The following GYPC variants were observed in gnomAD, a reference collection of about 807,000 sequenced individuals.
GYPC encodes glycophorin-C.
GYPC carries 14 observed loss-of-function variants against 12.6 expected under a neutral mutation model. The ratio of observed to expected loss-of-function variants is 1.11; its 90% CI spans 0.74 to 1.74. The LOEUF (loss-of-function observed/expected upper bound fraction) is 1.74, where lower values mean the gene tolerates loss of function less well. Ranked by LOEUF, GYPC falls within the 40% of genes most tolerant of loss-of-function variation. The probability of loss-of-function intolerance (pLI) is 0.00; values close to 1 mark genes in which losing one functional copy is unlikely to be tolerated. For missense variants in GYPC, 225 were observed against 172.1 expected (o/e 1.31, Z -1.72); for synonymous variants, 78 against 62.1 (o/e 1.26, Z -1.20).
Position 126,693,878 on chromosome 2 carries a change from A to G in GYPC, c.121A>G (p.Met41Val). Residue 41 changes from methionine (M) to valine (V), a missense_variant, in exon 3 of 4, where the codon ATG becomes GTG. By Grantham distance (21) the Met-to-Val change is conservative. Coordinates refer to ENST00000259254, the MANE Select transcript of GYPC (RefSeq NM_002101.5). ...TCTGTTCACAGAGCCTGATCCAGGG[A>G]TGTCTGGATGGCCGGATGGCAGAAT... Reference protein sequence around the residue: ...TTTIAEPDPGMSGWPDGRMET... With the variant: ...TTTIAEPDPGVSGWPDGRMET... 6.2e-7 allele frequency: 1 copy of G among 1,610,118 alleles called. No individual in the cohort carries two copies. The highest frequency in any genetic ancestry group is 8.5e-7 in the Non-Finnish European group (1 of 1,176,350).
At chr2:126,674,977 A>G (rs1485501039) in intron 1 of GYPC, among the ~76,000 whole-genome samples, 1 of 152,224 alleles carries the variant, frequency 6.6e-6, no homozygotes, top group Non-Finnish European at 1.5e-5. Context: ...GTCAGATTTC[A>G]CTGGCTTCCT....
At chr2:126,668,327 C>A (rs1160428694) in intron 1 of GYPC, among the ~76,000 whole-genome samples, 3 of 152,146 alleles carry the variant, frequency 2.0e-5, no homozygotes, top group Non-Finnish European at 4.4e-5. Flanking sequence ...ACCCCCAGGG[C>A]CCCTTGTGAT....
chr2:126,694,970 T>A (rs1426255928), intron 3 of GYPC, among the ~76,000 whole-genome samples: 2 of 151,854 alleles, frequency 1.3e-5, no homozygotes, highest in East Asian at 3.9e-4. Context: ...AAGTGAGGGG[T>A]GACCGCCCCT....
chr2:126,689,705 C>T (rs1393438197), intron 1 of GYPC, among the ~76,000 whole-genome samples: 1 of 152,162 alleles, frequency 6.6e-6, no homozygotes, highest in Non-Finnish European at 1.5e-5. Flanking sequence ...GTCAGATCCC[C>T]TTCTGCTTTT....
At chr2:126,656,425 C>A in intron 1 of GYPC, 113 bp downstream of exon 1, 2 of 910,518 alleles carry the variant, frequency 2.2e-6, no homozygotes, top group Non-Finnish European at 3.3e-6. Context: ...CCGTGCCGGG[C>A]CTCCAGGCGG....
At chr2:126,656,382 G>T in intron 1 of GYPC, 70 bp downstream of exon 1, 4 of 1,364,786 alleles carry the variant, frequency 2.9e-6, no homozygotes, top group Non-Finnish European at 4.1e-6. Flanking sequence ...GCCAGGGGCC[G>T]AGCCACGGCC....
chr2:126,675,943 A>G (rs1465287674), intron 1 of GYPC, among the ~76,000 whole-genome samples: 2 of 152,268 alleles, frequency 1.3e-5, no homozygotes, highest in African/African-American at 4.8e-5. Flanking sequence ...GTTATGTTAA[A>G]TGTGTAAAGA....
At chr2:126,685,981 T>C (rs1683278387) in intron 1 of GYPC, 5 of 985,310 alleles carry the variant, frequency 5.1e-6, no homozygotes, top group South Asian at 4.7e-5. Flanking sequence ...TGTGCCTGAA[T>C]TCTTCCTTCT....
At chr2:126,681,434 A>G (rs535928776) in intron 1 of GYPC, among the ~76,000 whole-genome samples, 4 of 152,212 alleles carry the variant, frequency 2.6e-5, no homozygotes, top group African/African-American at 4.8e-5. Context: ...CTGCATTACC[A>G]TCTACTTTCC....
At chr2:126,692,326 G>C (rs1356649418) in intron 2 of GYPC, among the ~76,000 whole-genome samples, 1 of 152,080 alleles carries the variant, frequency 6.6e-6, no homozygotes, top group Non-Finnish European at 1.5e-5. Context: ...TGGCCCATCT[G>C]TGTCCTGCTG....
intron 1 of GYPC, among the ~76,000 whole-genome samples, chr2:126,673,679 A>G (rs1682914868): frequency 1.3e-5 from 2 of 151,932 alleles, no homozygotes. Context: ...GACCGTGCCA[A>G]CTCCTCTTCT....
intron 1 of GYPC, among the ~76,000 whole-genome samples, chr2:126,660,284 G>A (rs1451857762): frequency 6.6e-6 from 1 of 152,210 alleles, no homozygotes; most frequent in Admixed American, 6.5e-5. Flanking sequence ...GCTTTCTGTG[G>A]TCAGGCCTGG....
chr2:126,690,311 G>C lies in GYPC; in HGVS notation c.106G>C (p.Glu36Gln). Reference sequence around the variant, plus strand: ...CACAATGCATACTACCACCATTGCAGGTGAGTTCTCATCACAGAGCCTCAC... The same window carrying C: ...CACAATGCATACTACCACCATTGCACGTGAGTTCTCATCACAGAGCCTCAC... ...STTMHTTTIA[E>Q]PDPGMSGWPD... The change falls in exon 2 of 4, where the codon GAG (glutamate) becomes CAG (glutamine). Residue 36 changes from glutamate (E) to glutamine (Q), a missense_variant and splice_region_variant. Physicochemically the swap from Glu to Gln is conservative, Grantham distance 29 (BLOSUM62 2). Coordinates refer to ENST00000259254, the MANE Select transcript of GYPC (RefSeq NM_002101.5). The C allele has an allele frequency of 1.2e-6, 2 of 1,607,314 alleles. No individual in the cohort carries two copies. Among genetic ancestry groups the C allele is most frequent in the Non-Finnish European group, 1.7e-6 (2 of 1,173,792 alleles).
At chr2:126,660,666 G>T (rs1682510015) in intron 1 of GYPC, among the ~76,000 whole-genome samples, 1 of 152,164 alleles carries the variant, frequency 6.6e-6, no homozygotes, top group African/African-American at 2.4e-5. Context: ...GTGGATGATT[G>T]CAGGGATGAC....
At chr2:126,659,335 C>T (rs1305799393) in intron 1 of GYPC, among the ~76,000 whole-genome samples, 2 of 152,172 alleles carry the variant, frequency 1.3e-5, no homozygotes, top group African/African-American at 2.4e-5. Context: ...AGTGAAAGGA[C>T]ATGTCCTCAT....
At chr2:126,668,754 G>A (rs908440617) in intron 1 of GYPC, among the ~76,000 whole-genome samples, 15 of 152,204 alleles carry the variant, frequency 9.9e-5, no homozygotes, top group African/African-American at 2.9e-4. Flanking sequence ...AACACTTGGC[G>A]TTATGGTGGT....
intron 1 of GYPC, among the ~76,000 whole-genome samples, chr2:126,673,653 G>C (rs1406934799): frequency 2.0e-5 from 3 of 152,236 alleles, no homozygotes; most frequent in Non-Finnish European, 4.4e-5. Context: ...GTCCCCCACA[G>C]ATTCCTGGGC....
intron 1 of GYPC, among the ~76,000 whole-genome samples, chr2:126,668,348 C>A (rs575089482): frequency 1.7e-4 from 26 of 152,302 alleles, no homozygotes; most frequent in Non-Finnish European, 3.5e-4. Flanking sequence ...GGCTCACTCC[C>A]GAGACAAGTT....
chr2:126,693,190 G>A (rs990678642), intron 2 of GYPC, among the ~76,000 whole-genome samples: 2 of 152,354 alleles, frequency 1.3e-5, no homozygotes, highest in African/African-American at 4.8e-5. Context: ...AGGGAGGGAG[G>A]GAGTTCTAGC....
Sources: allele counts gnomAD v4.1 joint callset (sites outside exome capture counted in the v4.1 genomes callset), GRCh38; gene constraint gnomAD v4.1.1; transcripts MANE v1.5; gene names NCBI Gene and HGNC (gene_info 2026-07-23, HGNC 2026-07-21).